Variants in GLI2 observed in about 807,000 individuals in gnomAD.
The protein encoded by GLI2 is GLI family zinc finger 2.
In GLI2, 22 loss-of-function variants were observed where a neutral mutation model predicts 78.9. The observed-to-expected ratio is 0.28, with a 90% confidence interval of 0.20 to 0.40. The LOEUF (loss-of-function observed/expected upper bound fraction) is 0.40. Among genes scored for constraint, GLI2 ranks in the 10% least tolerant of loss-of-function variants. The probability of loss-of-function intolerance (pLI) is 1.00; values close to 1 mark genes in which losing one functional copy is unlikely to be tolerated. For synonymous variants in GLI2, 974 were observed against 963.7 expected, an observed-to-expected ratio of 1.01 and a Z score of -0.20; for missense variants, 2,097 against 2,213.2, an observed-to-expected ratio of 0.95 and a Z score of 1.05.
intron 8 of GLI2, chr2:120,972,754 A>C: frequency 2.0e-6 from 1 of 503,564 alleles, no homozygotes; most frequent in South Asian, 1.5e-5. Flanking sequence ...GGGGGAAGAC[A>C]GGACAAGTTC....
intron 2 of GLI2, among the ~76,000 whole-genome samples, chr2:120,845,268 G>T (rs1007987653): frequency 6.6e-6 from 1 of 152,090 alleles, no homozygotes; most frequent in Non-Finnish European, 1.5e-5. Flanking sequence ...GTAAGACTCT[G>T]TCTCAAAAAT....
At chr2:120,927,115 C>T (rs1345920030) in intron 2 of GLI2, among the ~76,000 whole-genome samples, 1 of 152,222 alleles carries the variant, frequency 6.6e-6, no homozygotes, top group Admixed American at 6.5e-5. Flanking sequence ...TCAAAGAGTG[C>T]TTAGCTGCTT....
In GLI2 at chr2:120,970,509, C is replaced by T. The variant is rs767850109; in HGVS notation, c.962C>T (p.Pro321Leu). 1 of 1,614,054 alleles carries T rather than the reference C, an allele frequency of 6.2e-7. No individual in the cohort carries two copies. Among genetic ancestry groups the T allele is most frequent in the Non-Finnish European group, 8.5e-7 (1 of 1,179,944 alleles). Residue 321 changes from proline (P) to leucine (L), a missense_variant, in exon 7 of 14, where the codon CCC becomes CTC. Pro to Leu is a moderately conservative substitution (Grantham distance 98). Coordinates refer to ENST00000361492, the MANE Select transcript of GLI2 (RefSeq NM_001374353.1). ...GHTPPLIQPS[P>L]TFLAQQPMAL... ...ACACCACCCCTGATCCAGCCCTCACCCACCTTCCTGGCCCAGCAGCCCATG... is the reference window on the plus strand; with the variant it reads ...ACACCACCCCTGATCCAGCCCTCACTCACCTTCCTGGCCCAGCAGCCCATG...
intron 1 of GLI2, among the ~76,000 whole-genome samples, chr2:120,796,975 G>A (rs1163246308): frequency 4.6e-5 from 7 of 152,066 alleles, no homozygotes; most frequent in Non-Finnish European, 1.0e-4. Flanking sequence ...ACAGACAGAG[G>A]TCATTGTTTC....
At chr2:120,845,250 G>A (rs1248974744) in intron 2 of GLI2, among the ~76,000 whole-genome samples, 1 of 152,182 alleles carries the variant, frequency 6.6e-6, no homozygotes, top group Non-Finnish European at 1.5e-5. Context: ...TCCAGCCTGG[G>A]TGACAGAGTA....
At chr2:120,867,671 G>C (rs1157123221) in intron 2 of GLI2, among the ~76,000 whole-genome samples, 1 of 152,252 alleles carries the variant, frequency 6.6e-6, no homozygotes, top group Non-Finnish European at 1.5e-5. Flanking sequence ...CCGCTCTTGT[G>C]TGTGAAGGCC....
At chr2:120,860,866 T>C (rs900450611) in intron 2 of GLI2, among the ~76,000 whole-genome samples, 2 of 152,194 alleles carry the variant, frequency 1.3e-5, no homozygotes, top group Non-Finnish European at 2.9e-5. Context: ...CCTGAGGCCC[T>C]GCGTGGATTA....
intron 2 of GLI2, 142 bp from the exon 3 acceptor site, chr2:120,927,219 G>A: frequency 1.3e-6 from 1 of 752,448 alleles, no homozygotes; most frequent in Non-Finnish European, 2.5e-6. Flanking sequence ...CTTCGTGGGT[G>A]TGTGATCGCG....
chr2:120,885,965 T>C (rs1167316900), intron 2 of GLI2, among the ~76,000 whole-genome samples: 2 of 152,140 alleles, frequency 1.3e-5, no homozygotes, highest in African/African-American at 4.8e-5. Flanking sequence ...AGTAACTCCA[T>C]TTACTGAGCA....
Position 120,864,934 on chromosome 2 carries a change from G to A in GLI2, c.149-62427G>A, listed in dbSNP as rs530412304. ...GGAAGGGGTCTCTCTGGAGATGGCC[G>A]TGGGGTCCAGAGAGCAGCCCTTTCT... On this transcript the variant is annotated intron_variant, in intron 2 of 13. Coordinates refer to ENST00000361492, the MANE Select transcript of GLI2 (RefSeq NM_001374353.1). Among the ~76,000 whole-genome samples the A allele has an allele frequency of 3.9e-5, 6 of 152,326 alleles. No individual in the cohort carries two copies. The East Asian group carries it at 5.8e-4, about 15-fold the overall frequency.
chr2:120,890,849 C>T (rs1248831010), intron 2 of GLI2, among the ~76,000 whole-genome samples: 11 of 152,096 alleles, frequency 7.2e-5, no homozygotes, highest in Admixed American at 7.2e-4. Context: ...GGGCACGGGT[C>T]CCCCCAAAGC....
rs978896135 is a variant in GLI2, at chr2:120,990,737, T to G, written c.*62T>G. 1 of 1,404,716 alleles carries G rather than the reference T, an allele frequency of 7.1e-7. No homozygotes were observed. Among genetic ancestry groups the G allele is most frequent in the East Asian group, 2.3e-5 (1 of 43,540 alleles). The allele number at this position is 1,404,716 out of a possible 1,614,324, so 87.0% of individuals were successfully genotyped here. A position where few individuals can be genotyped will look rare whatever the true frequency, so the allele number is the denominator to read the frequency against. The stretch of plus-strand genomic sequence containing the variant: ...GTCATCGCTGCCCAGAGCCTGGGGA[T>G]TCCAGCTGTCTTGTCTTTTTCCAAA... On this transcript the variant is annotated 3_prime_UTR_variant, in exon 14 of 14. Coordinates refer to ENST00000361492, the MANE Select transcript of GLI2 (RefSeq NM_001374353.1).
At chr2:120,894,307 G>T (rs1677830781) in intron 2 of GLI2, among the ~76,000 whole-genome samples, 1 of 152,316 alleles carries the variant, frequency 6.6e-6, no homozygotes, top group East Asian at 1.9e-4. Flanking sequence ...CCTTAGAAAG[G>T]ACACCCCTTA....
At chr2:120,931,127 A>G (rs762451119) in intron 3 of GLI2, among the ~76,000 whole-genome samples, 1 of 152,240 alleles carries the variant, frequency 6.6e-6, no homozygotes, top group African/African-American at 2.4e-5. Context: ...ACTTATCCTC[A>G]TATCATTCCG....
intron 3 of GLI2, among the ~76,000 whole-genome samples, chr2:120,943,086 A>G (rs113218158): frequency 0.024 from 3,708 of 152,324 alleles, 162 homozygotes; most frequent in African/African-American, 0.086. Flanking sequence ...AAACGGATAC[A>G]GGAGACAGGA....
chr2:120,828,152 T>C (rs1686180057), intron 2 of GLI2, among the ~76,000 whole-genome samples: 1 of 152,236 alleles, frequency 6.6e-6, no homozygotes, highest in African/African-American at 2.4e-5. Context: ...GTCCTCCTGG[T>C]TCCTCCACCA....
At chr2:120,984,888 C>G (rs771385636) in intron 12 of GLI2, 145 bp downstream of exon 12, 1 of 792,628 alleles carries the variant, frequency 1.3e-6, no homozygotes, top group Non-Finnish European at 2.1e-6. Flanking sequence ...TGGCTTTCCC[C>G]CTTCACCACC....
At chr2:120,908,160 G>A (rs10170776) in intron 2 of GLI2, among the ~76,000 whole-genome samples, 8,119 of 152,236 alleles carry the variant, frequency 0.053, 646 homozygotes, top group African/African-American at 0.17. Flanking sequence ...TAGCAGAGGA[G>A]CCATGGCCTG....
At chr2:120,933,626 G>T (rs1680048387) in intron 3 of GLI2, among the ~76,000 whole-genome samples, 1 of 152,180 alleles carries the variant, frequency 6.6e-6, no homozygotes, top group Non-Finnish European at 1.5e-5. Context: ...GCTTGCCAGG[G>T]TGTCATGGGG....
Sources: gnomAD v4.1 joint callset for allele counts (sites outside exome capture counted in the v4.1 genomes callset) on GRCh38, gnomAD v4.1.1 for gene constraint, MANE v1.5 for transcripts, NCBI Gene and HGNC (gene_info 2026-07-23, HGNC 2026-07-21) for gene names.